SLC71A2: variants seen among roughly 807,000 people sequenced by gnomAD.
SLC71A2 encodes the protein solute carrier family 71 member 2, also known as hippocampus abundant transcript-like 1.
At chr9:94,377,935 T>C in the SLC71A2 span, among the ~76,000 whole-genome samples, 1 of 151,956 alleles carries the variant, frequency 6.6e-6, no homozygotes, top group East Asian at 1.9e-4. Context: ...TGAAATCCTG[T>C]CTCTATAAAA....
chr9:94,431,869 C>T, the SLC71A2 span, among the ~76,000 whole-genome samples: 69 of 152,208 alleles, frequency 4.5e-4, no homozygotes, highest in Middle Eastern at 3.4e-3. Flanking sequence ...GTGTTTGGCC[C>T]GTGGCTCTAC....
At chr9:94,382,699 G>A in the SLC71A2 span, among the ~76,000 whole-genome samples, 5 of 150,614 alleles carry the variant, frequency 3.3e-5, no homozygotes, top group East Asian at 1.9e-4. Flanking sequence ...TTTCTTTGTC[G>A]CCCAGGCTGG....
the SLC71A2 span, among the ~76,000 whole-genome samples, chr9:94,445,552 A>G: frequency 3.3e-5 from 5 of 152,192 alleles, no homozygotes; most frequent in African/African-American, 1.2e-4. Flanking sequence ...TTTGGTTTGA[A>G]TGAGTTATTT....
At chr9:94,390,858 C>T in the SLC71A2 span, among the ~76,000 whole-genome samples, 1 of 152,116 alleles carries the variant, frequency 6.6e-6, no homozygotes, top group Non-Finnish European at 1.5e-5. Context: ...AGGAGTACCT[C>T]AATTCAAAGG....
the SLC71A2 span, among the ~76,000 whole-genome samples, chr9:94,390,515 ACAGTCC>A: frequency 2.8e-3 from 422 of 151,690 alleles, 21 homozygotes; most frequent in South Asian, 0.085. Context: ...CTGCATCAAG[ACAGTCC>A]ATTCATTTTT....
the SLC71A2 span, among the ~76,000 whole-genome samples, chr9:94,444,193 C>T: frequency 3.9e-5 from 6 of 152,112 alleles, no homozygotes; most frequent in Admixed American, 3.9e-4. Flanking sequence ...AGCATCTGAC[C>T]ATCCAGATTG....
the SLC71A2 span, chr9:94,374,933 C>T: frequency 1.6e-6 from 2 of 1,263,222 alleles, no homozygotes; most frequent in South Asian, 2.7e-5. Context: ...CCTGGGTGAG[C>T]GCGGGCGCGG....
At chr9:94,387,482 T>C in the SLC71A2 span, among the ~76,000 whole-genome samples, 2 of 152,264 alleles carry the variant, frequency 1.3e-5, no homozygotes, top group South Asian at 2.1e-4. Context: ...GAATGTGATA[T>C]GCTTTTATTG....
chr9:94,408,227 C>T, the SLC71A2 span, among the ~76,000 whole-genome samples: 31 of 152,242 alleles, frequency 2.0e-4, no homozygotes, highest in Non-Finnish European at 3.8e-4. Flanking sequence ...ATAAGCCCAT[C>T]GTAGGTTGAA....
chr9:94,450,570 A>G, the SLC71A2 span, among the ~76,000 whole-genome samples: 2 of 135,132 alleles, frequency 1.5e-5, no homozygotes, highest in South Asian at 2.3e-4. Context: ...GCTCACTGCA[A>G]CCTCTACATT....
At chr9:94,401,879 T>A in the SLC71A2 span, among the ~76,000 whole-genome samples, 1 of 152,246 alleles carries the variant, frequency 6.6e-6, no homozygotes, top group South Asian at 2.1e-4. Context: ...CCCTGAGGGC[T>A]GCTGGTGCCC....
chr9:94,426,157 T>C, the SLC71A2 span, among the ~76,000 whole-genome samples: 1 of 149,398 alleles, frequency 6.7e-6, no homozygotes, highest in East Asian at 2.0e-4. Context: ...CTTTGTGCAC[T>C]TTTGGCAGCC....
the SLC71A2 span, among the ~76,000 whole-genome samples, chr9:94,402,294 C>T: frequency 9.9e-5 from 15 of 152,010 alleles, no homozygotes; most frequent in Non-Finnish European, 1.8e-4. Flanking sequence ...TTAAAGTATT[C>T]CAGAGACAGA....
At chr9:94,430,667 G>C in the SLC71A2 span, among the ~76,000 whole-genome samples, 1 of 152,036 alleles carries the variant, frequency 6.6e-6, no homozygotes, top group Non-Finnish European at 1.5e-5. Flanking sequence ...AGATTCATTT[G>C]ATGAATCCAG....
At chr9:94,443,477 A>G in the SLC71A2 span, among the ~76,000 whole-genome samples, 2 of 152,340 alleles carry the variant, frequency 1.3e-5, no homozygotes, top group East Asian at 3.9e-4. Flanking sequence ...TCAGTAAACC[A>G]AGAAAGTGGT....
chr9:94,418,273 T>G, the SLC71A2 span, among the ~76,000 whole-genome samples: 1 of 152,224 alleles, frequency 6.6e-6, no homozygotes, highest in Admixed American at 6.5e-5. Context: ...AATTTCTATT[T>G]ATTTGTCTTC....
At chr9:94,379,734 T>C in the SLC71A2 span, among the ~76,000 whole-genome samples, 1 of 152,198 alleles carries the variant, frequency 6.6e-6, no homozygotes, top group Non-Finnish European at 1.5e-5. Context: ...TCAAAAAATA[T>C]TTAATTTTGT....
At chr9:94,414,458 C>G in the SLC71A2 span, among the ~76,000 whole-genome samples, 1 of 152,132 alleles carries the variant, frequency 6.6e-6, no homozygotes, top group African/African-American at 2.4e-5. Flanking sequence ...GCCCCTCAGG[C>G]CTTTGAGCAT....
the SLC71A2 span, among the ~76,000 whole-genome samples, chr9:94,405,245 C>G: frequency 1.3e-5 from 2 of 152,044 alleles, no homozygotes; most frequent in Non-Finnish European, 2.9e-5. Context: ...CCTGTAATCC[C>G]AGCACTTTGG....
Sources: gnomAD v4.1 joint callset for allele counts (sites outside exome capture counted in the v4.1 genomes callset) on GRCh38, gnomAD v4.1.1 for gene constraint, MANE v1.5 for transcripts, NCBI Gene and HGNC (gene_info 2026-07-23, HGNC 2026-07-21) for gene names.